Variants in BSG observed in about 807,000 individuals in gnomAD.
BSG encodes the protein basigin (Ok blood group).
BSG carries 37 observed loss-of-function variants against 43.1 expected under a neutral mutation model. The ratio of observed to expected loss-of-function variants is 0.86; its 90% CI spans 0.66 to 1.13. BSG has a LOEUF of 1.13. Ranked by LOEUF, BSG falls within the 50% of genes most tolerant of loss-of-function variation. The probability of loss-of-function intolerance (pLI) is 0.00; values close to 1 mark genes in which losing one functional copy is unlikely to be tolerated. For missense variants in BSG, 599 were observed against 554.2 expected, an observed-to-expected ratio of 1.08 and a Z score of -0.81; for synonymous variants, 309 against 238.7, an observed-to-expected ratio of 1.29 and a Z score of -2.72.
In BSG at chr19:579,302, C is replaced by T. The variant is rs559328258; in HGVS notation, c.416-198C>T. On this transcript the variant is annotated intron_variant, in intron 2 of 8. Transcript: ENST00000333511. The stretch of plus-strand genomic sequence containing the variant: ...TTCCCGAAGGGGCCTCCTCAGCAGG[C>T]GCTGGGCTCTTCCCTTCCCGGAGGC... The T allele has an allele frequency of 3.5e-4, 263 of 759,762 alleles. 2 individuals are homozygous for T. The highest frequency in any genetic ancestry group is 6.8e-4 in the Middle Eastern group (3 of 4,412). The allele number at this position is 759,762 out of a possible 1,614,324, so 47.1% of individuals were successfully genotyped here. A position where few individuals can be genotyped will look rare whatever the true frequency, so the allele number is the denominator to read the frequency against.
intron 1 of BSG, among the ~76,000 whole-genome samples, chr19:574,276 G>T (rs1250461690): frequency 2.0e-5 from 3 of 149,908 alleles, no homozygotes; most frequent in Non-Finnish European, 4.4e-5. Context: ...AAAAGAGGTC[G>T]GGCATGGTGG....
At chr19:577,224 T>G (rs1394682039) in intron 1 of BSG, among the ~76,000 whole-genome samples, 2 of 151,072 alleles carry the variant, frequency 1.3e-5, no homozygotes, top group African/African-American at 4.9e-5. Context: ...AGGCCCTGCC[T>G]GGCTCCCAGC....
At chr19:572,787 T>A (rs914795310) in intron 1 of BSG, 86 bp downstream of exon 1, 8 of 1,287,588 alleles carry the variant, frequency 6.2e-6, no homozygotes, top group Non-Finnish European at 7.9e-6. Flanking sequence ...GACGGGAGCC[T>A]GGGGCCTCGG....
At chr19:579,131 T>C in intron 2 of BSG, 1 of 471,316 alleles carries the variant, frequency 2.1e-6, no homozygotes, top group Non-Finnish European at 4.2e-6. Flanking sequence ...GGGACGTGGG[T>C]GGGTGCCTTG....
At chr19:572,295 G>A (rs966615227), upstream of BSG, 2 of 751,046 alleles carry the variant, frequency 2.7e-6, no homozygotes, top group Non-Finnish European at 1.6e-6. Context: ...AACCCCCTCG[G>A]GCGCACCGCT....
chr19:575,055 G>C (rs1317824854), intron 1 of BSG: 1 of 152,292 alleles, frequency 6.6e-6, no homozygotes, highest in East Asian at 1.9e-4. Context: ...TTGTGCATTT[G>C]TGCAGGAGAC....
In BSG at chr19:580,074, G is replaced by T. The variant is rs567649209; in HGVS notation, c.573-305G>T. The stretch of plus-strand genomic sequence containing the variant: ...GCTGGGACGGCCCTGGGAGCACAGA[G>T]CCTTTTGTTTTCAGGCTGACTGGGA... On this transcript the variant is annotated intron_variant, in intron 3 of 8. Coordinates refer to ENST00000333511, the MANE Select transcript of BSG (RefSeq NM_001728.4). The T allele has an allele frequency of 3.4e-5, 15 of 446,886 alleles. No homozygotes were observed. The East Asian group carries it at 6.4e-4, about 19-fold the overall frequency. 27.7% of individuals were successfully genotyped at this position (446,886 alleles called of 1,614,324 possible).
intron 2 of BSG, chr19:579,178 C>G (rs1406810971): frequency 2.0e-6 from 1 of 501,814 alleles, no homozygotes; most frequent in South Asian, 1.5e-5. Context: ...TCGTGTGTCT[C>G]TGGGCAGGAA....
intron 2 of BSG, among the ~76,000 whole-genome samples, chr19:578,438 A>G (rs1294371820): frequency 6.6e-6 from 1 of 152,206 alleles, no homozygotes; most frequent in Non-Finnish European, 1.5e-5. Flanking sequence ...TCCCTCCCTG[A>G]GCGTCCATAC....
At chr19:582,027 A>G (rs958471897) in intron 6 of BSG, among the ~76,000 whole-genome samples, 3 of 152,126 alleles carry the variant, frequency 2.0e-5, no homozygotes, top group African/African-American at 7.2e-5. Flanking sequence ...GGGGCCTGTG[A>G]TGGCAGCTCC....
chr19:581,275 C>T (rs1982289668), intron 5 of BSG, 40 bp from the exon 6 acceptor site: 1 of 1,581,214 alleles, frequency 6.3e-7, no homozygotes, highest in Non-Finnish European at 8.6e-7. Context: ...GGGGCCTAGA[C>T]TGGGGGTCCT....
Position 581,310 on chromosome 19 carries a change from C to T in BSG, c.793-5C>T. On this transcript the variant is annotated splice_polypyrimidine_tract_variant and splice_region_variant and intron_variant, in intron 5 of 8. Transcript: ENST00000333511. The stretch of plus-strand genomic sequence containing the variant: ...TGGACTCAGCCCTTGCCTTTGGTCC[C>T]CTAGGCCCTCATGAACGGCTCCGAG... 2.5e-6 allele frequency: 4 copies of T among 1,610,362 alleles called. No homozygotes were observed. Among genetic ancestry groups the T allele is most frequent in the East Asian group, 2.2e-5 (1 of 44,802 alleles).
intron 1 of BSG, among the ~76,000 whole-genome samples, chr19:576,304 G>A (rs1464232942): frequency 6.6e-6 from 1 of 152,232 alleles, no homozygotes; most frequent in Non-Finnish European, 1.5e-5. Context: ...ATGAGGAGAG[G>A]GGCTGCTGCA....
chr19:571,696 C>T, upstream of BSG: 2 of 724,082 alleles, frequency 2.8e-6, no homozygotes, highest in South Asian at 1.5e-5. Flanking sequence ...GACCACTTTA[C>T]TTGTACGGAA....
At chr19:579,759 G>A in intron 3 of BSG, 103 bp downstream of exon 3, 1 of 1,473,222 alleles carries the variant, frequency 6.8e-7, no homozygotes, top group Non-Finnish European at 9.0e-7. Context: ...CGGCAGGCTT[G>A]ATCCAGGCGG....
intron 5 of BSG, 152 bp from the exon 6 acceptor site, chr19:581,163 G>A: frequency 2.6e-6 from 2 of 763,956 alleles, no homozygotes; most frequent in Non-Finnish European, 4.0e-6. Flanking sequence ...CAGCCCTCCG[G>A]ACTGGGTGAG....
At chr19:578,455 C>A (rs1368971387) in intron 2 of BSG, among the ~76,000 whole-genome samples, 1 of 152,280 alleles carries the variant, frequency 6.6e-6, no homozygotes, top group Admixed American at 6.5e-5. Context: ...ATACTGCAAG[C>A]CTGAGGGGCC....
At chr19:579,887 C>G in intron 3 of BSG, 1 of 615,266 alleles carries the variant, frequency 1.6e-6, no homozygotes, top group Non-Finnish European at 2.7e-6. Flanking sequence ...ATTGCTTGCT[C>G]CTCACTAGGT....
intron 1 of BSG, among the ~76,000 whole-genome samples, chr19:574,661 T>C (rs1981606785): frequency 6.6e-6 from 1 of 152,252 alleles, no homozygotes; most frequent in Admixed American, 6.5e-5. Flanking sequence ...CGAGCCTCTG[T>C]CCTGGGCATT....
Sources: allele counts gnomAD v4.1 joint callset (sites outside exome capture counted in the v4.1 genomes callset), GRCh38; gene constraint gnomAD v4.1.1; transcripts MANE v1.5; gene names NCBI Gene and HGNC (gene_info 2026-07-23, HGNC 2026-07-21).